Variants in ZFHX3 observed in about 807,000 individuals in gnomAD.
ZFHX3 encodes the protein zinc finger homeobox 3.
A neutral mutation model predicts 279.1 loss-of-function variants in ZFHX3; 42 were observed. The ratio of observed to expected loss-of-function variants is 0.15; its 90% CI spans 0.12 to 0.19. ZFHX3 has a LOEUF of 0.19. ZFHX3 is among the 10% of genes least tolerant of loss of function. The pLI is 1.00. For missense variants in ZFHX3, 4,981 were observed against 4,754.0 expected, an observed-to-expected ratio of 1.05 and a Z score of -1.40; for synonymous variants, 2,293 against 1,957.8, an observed-to-expected ratio of 1.17 and a Z score of -4.52.
intron 2 of ZFHX3, among the ~76,000 whole-genome samples, chr16:73,600,998 G>A (rs1414453412): frequency 9.3e-6 from 1 of 106,994 alleles, no homozygotes; most frequent in Non-Finnish European, 1.9e-5. Flanking sequence ...ATGAGTGATA[G>A]CCTTTTTTGT....
At chr16:73,867,209 A>C (rs183877570) in intron 1 of ZFHX3, among the ~76,000 whole-genome samples, 2 of 152,166 alleles carry the variant, frequency 1.3e-5, no homozygotes, top group East Asian at 3.9e-4. Context: ...CTATGAGCCA[A>C]TTCCAGTGTG....
chr16:73,546,671 TTGCTGCTGCTGCTGCTGCTGC>T (rs57427757), intron 2 of ZFHX3, among the ~76,000 whole-genome samples: 1,479 of 143,504 alleles, frequency 0.01, 14 homozygotes, highest in South Asian at 0.023. Context: ...GGTGCTGCTG[TTGCTGCTGCTGCTGCTGCTGC>T]TGCTGCTGCT....
chr16:73,245,234 T>C (rs1478682134), intron 5 of ZFHX3, among the ~76,000 whole-genome samples: 14 of 152,254 alleles, frequency 9.2e-5, no homozygotes, highest in Non-Finnish European at 2.1e-4. Flanking sequence ...AAAGGAACTA[T>C]ATTTTATTCA....
At chr16:73,659,045 A>G (rs2052752204) in intron 2 of ZFHX3, among the ~76,000 whole-genome samples, 1 of 152,226 alleles carries the variant, frequency 6.6e-6, no homozygotes, top group African/African-American at 2.4e-5. Flanking sequence ...AGAGATGGAG[A>G]GAGATGGCAA....
At chr16:73,791,480 A>G (rs1249382151) in intron 1 of ZFHX3, among the ~76,000 whole-genome samples, 1 of 152,024 alleles carries the variant, frequency 6.6e-6, no homozygotes, top group Non-Finnish European at 1.5e-5. Flanking sequence ...GCCGGAGTGC[A>G]GCGGCGCCAT....
chr16:72,820,479 T>G (rs760184337), intron 5 of ZFHX3, among the ~76,000 whole-genome samples: 2 of 152,190 alleles, frequency 1.3e-5, no homozygotes, highest in Non-Finnish European at 2.9e-5. Flanking sequence ...CATCAGCTGT[T>G]GGTCTGTTTA....
In ZFHX3 at chr16:73,310,188, T is replaced by G. The variant is rs552874876; in HGVS notation, c.-1194+8052A>C. On this transcript the variant is annotated intron_variant, in intron 4 of 17. Transcript: ENST00000641206. ...TCCCAAAGTGCTGGGATTACAGGTG[T>G]GAGCCACTGCACCCGGTCTGCTTTG... 9.2e-5 allele frequency among the ~76,000 whole-genome samples: 14 copies of G among 152,150 alleles called. No individual in the cohort carries two copies. In the East Asian group the frequency reaches 2.5e-3, roughly 27 times the overall value.
chr16:73,118,643 C>G lies in ZFHX3; in HGVS notation c.-897+12325G>C, dbSNP rs533142323. On this transcript the variant is annotated intron_variant, in intron 7 of 17. Transcript: ENST00000641206. ...CTTATTTAATCACAGGTCACTGGAC[C>G]ACTAGGAGTTACCTGTGAATTTCAA... Among the ~76,000 whole-genome samples, 11 of 152,252 alleles carry G rather than the reference C, an allele frequency of 7.2e-5. No individual in the cohort carries two copies. In the South Asian group the frequency reaches 2.1e-3, roughly 29 times the overall value.
At chr16:73,619,686 T>A (rs2052339565) in intron 2 of ZFHX3, among the ~76,000 whole-genome samples, 1 of 151,992 alleles carries the variant, frequency 6.6e-6, no homozygotes, top group African/African-American at 2.4e-5. Context: ...CAGGCTTAAA[T>A]GCAGACATTC....
chr16:73,287,843 A>AGTGGCTGTGTGGGTTGCTGT (rs2014667484), intron 4 of ZFHX3, among the ~76,000 whole-genome samples: 2 of 51,480 alleles, frequency 3.9e-5, no homozygotes, highest in South Asian at 1.8e-3. Context: ...TGGGTTGGTG[A>AGTGGCTGTGTGGGTTGCTGT]GTGGCTGTGT....
At chr16:73,720,546 A>G (rs1195395483) in intron 1 of ZFHX3, among the ~76,000 whole-genome samples, 1 of 152,206 alleles carries the variant, frequency 6.6e-6, no homozygotes, top group African/African-American at 2.4e-5. Context: ...AAAATATACT[A>G]TAATGTTGAG....
At chr16:72,962,800 C>T (rs1038322066) in intron 1 of ZFHX3, among the ~76,000 whole-genome samples, 2 of 152,038 alleles carry the variant, frequency 1.3e-5, no homozygotes, top group Non-Finnish European at 2.9e-5. Flanking sequence ...GTCCTTGGTA[C>T]CTGTATTGCT....
chr16:73,739,481 A>G (rs1044730211), intron 1 of ZFHX3, among the ~76,000 whole-genome samples: 10 of 152,164 alleles, frequency 6.6e-5, no homozygotes, highest in African/African-American at 2.4e-4. Context: ...AGATGTTGCA[A>G]AAGTCCCCTG....
chr16:72,896,527 C>A (rs1340890240), intron 3 of ZFHX3, among the ~76,000 whole-genome samples: 1 of 152,230 alleles, frequency 6.6e-6, no homozygotes, highest in African/African-American at 2.4e-5. Context: ...AGAGGCTCCG[C>A]TGTGCGACTT....
At chr16:73,232,206 C>A (rs2012797502) in intron 5 of ZFHX3, 1 of 152,230 alleles carries the variant, frequency 6.6e-6, no homozygotes, top group African/African-American at 2.4e-5. Context: ...TCTGCCTCCT[C>A]CGGCCGTGGA....
chr16:73,235,800 G>A (rs567690660), intron 5 of ZFHX3, among the ~76,000 whole-genome samples: 160 of 151,826 alleles, frequency 1.1e-3, no homozygotes, highest in Non-Finnish European at 1.8e-3. Flanking sequence ...CCTCCAGAGC[G>A]GCTGGGACTA....
chr16:73,436,531 AG>A (rs1424677670), intron 3 of ZFHX3, among the ~76,000 whole-genome samples: 1 of 152,180 alleles, frequency 6.6e-6, no homozygotes, highest in Non-Finnish European at 1.5e-5. Context: ...CCCACGATTC[AG>A]TTATCTCCCA....
intron 4 of ZFHX3, among the ~76,000 whole-genome samples, chr16:73,290,707 G>A (rs368324091): frequency 6.6e-6 from 1 of 152,284 alleles, no homozygotes; most frequent in East Asian, 1.9e-4. Flanking sequence ...CTCTTCCCTG[G>A]TGCTTTTTGG....
chr16:73,693,448 G>C (rs2142209296), intron 1 of ZFHX3, among the ~76,000 whole-genome samples: 1 of 152,162 alleles, frequency 6.6e-6, no homozygotes, highest in East Asian at 1.9e-4. Context: ...AGACATTCAA[G>C]ACATTTGCGT....
Sources: allele counts gnomAD v4.1 joint callset (sites outside exome capture counted in the v4.1 genomes callset), GRCh38; gene constraint gnomAD v4.1.1; transcripts MANE v1.5; gene names NCBI Gene and HGNC (gene_info 2026-07-23, HGNC 2026-07-21).